The following TDP1 variants were observed in gnomAD, a reference collection of about 807,000 sequenced individuals.
The protein encoded by TDP1 is tyr-DNA phosphodiesterase 1.
TDP1 carries 64 observed loss-of-function variants against 81.5 expected under a neutral mutation model. That is an observed-to-expected ratio of 0.79 (90% CI 0.64 to 0.97). The LOEUF is 0.97. TDP1 is among the 50% of genes least tolerant of loss of function. The pLI is 0.00. For synonymous variants in TDP1, 256 were observed against 264.3 expected, an observed-to-expected ratio of 0.97 and a Z score of 0.30; for missense variants, 723 against 743.8, an observed-to-expected ratio of 0.97 and a Z score of 0.33.
chr14:90,008,810 G>A (rs1387915137), intron 14 of TDP1, among the ~76,000 whole-genome samples: 1 of 152,168 alleles, frequency 6.6e-6, no homozygotes, highest in African/African-American at 2.4e-5. Flanking sequence ...CTGGGCTCAA[G>A]CAATTCTCCC....
chr14:90,022,956 C>T (rs139756522), intron 15 of TDP1: 11 of 727,226 alleles, frequency 1.5e-5, no homozygotes, highest in African/African-American at 6.8e-5. Flanking sequence ...CCTACCTGGA[C>T]GTTCCAGTGG....
rs2140058035 is a variant in TDP1, at chr14:89,978,458, T to G, written c.792-2082T>G. On this transcript the variant is annotated intron_variant, in intron 7 of 16. Coordinates refer to ENST00000335725, the MANE Select transcript of TDP1 (RefSeq NM_018319.4). ...CCATATGTTAGTTCTCTTCCCCCTT[T>G]GCAGGAATAGCTGCGCATTTGGGTT... Among the ~76,000 whole-genome samples, 4 of 152,362 alleles carry G rather than the reference T, an allele frequency of 2.6e-5. 1 individual carries two copies. The Middle Eastern group carries it at 0.01, about 391-fold the overall frequency.
intron 4 of TDP1, chr14:89,966,956 T>A: frequency 2.0e-6 from 2 of 984,510 alleles, no homozygotes; most frequent in Non-Finnish European, 1.2e-6. Flanking sequence ...AAAGGAAATG[T>A]TCTTTTCTGA....
At chr14:90,005,805 A>T (rs1737341629) in intron 14 of TDP1, among the ~76,000 whole-genome samples, 1 of 152,250 alleles carries the variant, frequency 6.6e-6, no homozygotes, top group South Asian at 2.1e-4. Context: ...TGGTTGTCAC[A>T]TGGGTTACTA....
rs1212933566 is a variant in TDP1, at chr14:89,974,901, G to T, written c.757-880G>T. ...CTTAACCAAGATCTGGCATTAGTGG[G>T]TATTAGATAACATGTTTTCTATATA... On this transcript the variant is annotated intron_variant, in intron 6 of 16. Coordinates refer to ENST00000335725, the MANE Select transcript of TDP1 (RefSeq NM_018319.4). 2.0e-5 allele frequency among the ~76,000 whole-genome samples: 3 copies of T among 152,080 alleles called. No homozygotes were observed. The East Asian group carries it at 5.8e-4, about 29-fold the overall frequency.
chr14:89,988,689 T>C (rs778837685), intron 10 of TDP1: 6 of 981,796 alleles, frequency 6.1e-6, no homozygotes, highest in Non-Finnish European at 6.0e-6. Flanking sequence ...AAAGGAGAAC[T>C]TCTGTCCATC....
At chr14:89,980,769 T>C (rs1328572865) in intron 8 of TDP1, 137 bp downstream of exon 8, 1 of 769,156 alleles carries the variant, frequency 1.3e-6, no homozygotes, top group African/African-American at 1.8e-5. Flanking sequence ...AAGAGTTGTA[T>C]GCAGAAAAAG....
intron 14 of TDP1, among the ~76,000 whole-genome samples, chr14:89,994,752 T>G (rs923897486): frequency 3.3e-5 from 5 of 152,194 alleles, no homozygotes; most frequent in Admixed American, 2.6e-4. Context: ...CAGGATCAAA[T>G]GAGAGATCAG....
At chr14:89,993,305 C>A in intron 13 of TDP1, 71 bp from the exon 14 acceptor site, 2 of 1,357,872 alleles carry the variant, frequency 1.5e-6, no homozygotes, top group Non-Finnish European at 2.1e-6. Flanking sequence ...TGTTTTCATG[C>A]AGTTTCCTAA....
At position 89,966,228 on chromosome 14, in the gene TDP1, A is replaced by G. The variant is rs1463342576; in HGVS notation, c.603+38A>G. 3.6e-6 allele frequency: 5 copies of G among 1,379,454 alleles called. No individual in the cohort carries two copies. In the African/African-American group the frequency reaches 5.7e-5, roughly 16 times the overall value. 85.5% of individuals were successfully genotyped at this position (1,379,454 alleles called of 1,614,324 possible). ...TTAAGCTGTTTTTTCTTTGGGTGAA[A>G]GTAGACAGGTAATTAAACAACTCCA... On this transcript the variant is annotated intron_variant, in intron 4 of 16. Transcript: ENST00000335725.
At chr14:89,985,801 G>A (rs1895491710) in intron 10 of TDP1, among the ~76,000 whole-genome samples, 1 of 152,168 alleles carries the variant, frequency 6.6e-6, no homozygotes, top group South Asian at 2.1e-4. Flanking sequence ...GGCTGAGAGG[G>A]GCGGATCACA....
intron 5 of TDP1, among the ~76,000 whole-genome samples, chr14:89,970,399 A>T (rs1004272985): frequency 6.6e-6 from 1 of 152,160 alleles, no homozygotes; most frequent in Non-Finnish European, 1.5e-5. Context: ...TCTCTGTTGT[A>T]TCCTGGGTCT....
At chr14:90,003,004 T>C (rs1897312020) in intron 14 of TDP1, among the ~76,000 whole-genome samples, 2 of 152,146 alleles carry the variant, frequency 1.3e-5, no homozygotes, top group South Asian at 2.1e-4. Flanking sequence ...GTGGCATGAT[T>C]TCGGCTCACT....
chr14:90,005,352 C>G (rs1426686137), intron 14 of TDP1, among the ~76,000 whole-genome samples: 1 of 152,150 alleles, frequency 6.6e-6, no homozygotes, highest in Non-Finnish European at 1.5e-5. Flanking sequence ...CCCAGAGATA[C>G]TCGCCCTTGT....
chr14:90,040,744 A>G (rs140621021), intron 16 of TDP1, among the ~76,000 whole-genome samples: 83 of 152,348 alleles, frequency 5.4e-4, no homozygotes, highest in African/African-American at 1.9e-3. Flanking sequence ...GTGAGTATTA[A>G]TGCTGATTTC....
At chr14:89,982,293 G>A (rs1372020268) in intron 8 of TDP1, among the ~76,000 whole-genome samples, 1 of 152,104 alleles carries the variant, frequency 6.6e-6, no homozygotes, top group Non-Finnish European at 1.5e-5. Context: ...ATAGCTGCTT[G>A]GTCTCTAAGT....
chr14:90,003,456 T>TA (rs562465765), intron 14 of TDP1, among the ~76,000 whole-genome samples: 6 of 152,346 alleles, frequency 3.9e-5, no homozygotes, highest in Non-Finnish European at 7.3e-5. Flanking sequence ...GATCCTACCG[T>TA]AAAATCATCC....
intron 15 of TDP1, chr14:90,022,749 A>AG: frequency 1.0e-6 from 1 of 985,382 alleles, no homozygotes; most frequent in Non-Finnish European, 1.2e-6. Flanking sequence ...CTGGAAAAAA[A>AG]GTAGACCTTT....
intron 14 of TDP1, among the ~76,000 whole-genome samples, chr14:90,017,430 C>G (rs1041834384): frequency 6.6e-6 from 1 of 152,192 alleles, no homozygotes. Flanking sequence ...AGTAGAGTTT[C>G]TAAGGTTCCA....
Sources: gnomAD v4.1 joint callset for allele counts (sites outside exome capture counted in the v4.1 genomes callset) on GRCh38, gnomAD v4.1.1 for gene constraint, MANE v1.5 for transcripts, NCBI Gene and HGNC (gene_info 2026-07-23, HGNC 2026-07-21) for gene names.